The following TAFA4 variants were observed in gnomAD, a reference collection of about 807,000 sequenced individuals.
The protein encoded by TAFA4 is TAFA chemokine like family member 4.
A neutral mutation model predicts 21.1 loss-of-function variants in TAFA4; 20 were observed. The observed-to-expected ratio is 0.95, with a 90% confidence interval of 0.67 to 1.38. TAFA4 has a LOEUF of 1.38. Among genes scored for constraint, TAFA4 ranks in the 40% most tolerant of loss-of-function variants. The probability of loss-of-function intolerance (pLI) is 0.00; values close to 1 mark genes in which losing one functional copy is unlikely to be tolerated. For missense variants in TAFA4, 211 were observed against 180.9 expected (o/e 1.17, Z -0.95); for synonymous variants, 71 against 67.4 (o/e 1.05, Z -0.26).
intron 3 of TAFA4, among the ~76,000 whole-genome samples, chr3:68,765,460 T>C (rs1205472150): frequency 1.3e-5 from 2 of 152,200 alleles, no homozygotes; most frequent in Admixed American, 6.5e-5. Flanking sequence ...GGTGTTAAAC[T>C]CTCTTACAAA....
intron 3 of TAFA4, among the ~76,000 whole-genome samples, chr3:68,802,097 C>T (rs191479563): frequency 1.2e-3 from 178 of 152,220 alleles, no homozygotes; most frequent in African/African-American, 4.0e-3. Flanking sequence ...ATGGAGGTTA[C>T]ATTAAATTTT....
intron 3 of TAFA4, among the ~76,000 whole-genome samples, chr3:68,767,364 A>AAGAGAAAGCCGGAATAGG: frequency 6.6e-6 from 1 of 152,282 alleles, no homozygotes; most frequent in South Asian, 2.1e-4. Context: ...GCCGGAATAG[A>AAGAGAAAGCCGGAATAGG]AAAGAAAGCC....
At chr3:68,922,779 C>T (rs1024322647) in intron 1 of TAFA4, among the ~76,000 whole-genome samples, 2 of 152,120 alleles carry the variant, frequency 1.3e-5, no homozygotes, top group African/African-American at 4.8e-5. Context: ...GAATTTTTTC[C>T]TTTCCTGATT....
At chr3:68,794,422 C>A (rs1391869212) in intron 3 of TAFA4, among the ~76,000 whole-genome samples, 1 of 152,106 alleles carries the variant, frequency 6.6e-6, no homozygotes, top group African/African-American at 2.4e-5. Context: ...AATCTAACAC[C>A]CGGCTTTAAA....
intron 1 of TAFA4, among the ~76,000 whole-genome samples, chr3:68,908,028 G>A (rs2089921083): frequency 6.6e-6 from 1 of 152,156 alleles, no homozygotes; most frequent in Admixed American, 6.5e-5. Context: ...ACTGAAGCTG[G>A]TGATCAAGAG....
In TAFA4 at chr3:68,731,836, A is replaced by G. The variant is rs967332954; in HGVS notation, c.*1306T>C. ...CAAATATTCAAAAATTACGCCAACA[A>G]ATCTTTCCATTCCTTTCCATTCCCT... is the stretch of plus-strand genomic sequence containing the variant. On this transcript the variant is annotated 3_prime_UTR_variant, in exon 6 of 6. Transcript: ENST00000295569. 8 of 152,102 alleles carry G rather than the reference A, an allele frequency of 5.3e-5. No individual in the cohort carries two copies. Among genetic ancestry groups the G allele is most frequent in the African/African-American group, 1.9e-4 (8 of 41,422 alleles). 9.4% of individuals were successfully genotyped at this position (152,102 alleles called of 1,614,324 possible).
intron 4 of TAFA4, among the ~76,000 whole-genome samples, chr3:68,740,056 G>T (rs757318751): frequency 1.3e-5 from 2 of 152,074 alleles, no homozygotes; most frequent in Non-Finnish European, 2.9e-5. Flanking sequence ...CTTTGTGGTG[G>T]GCTTGCCTGG....
rs114675865 is a variant in TAFA4 at position 68,740,641 on chromosome 3, C to G, written c.287-1442G>C. Among the ~76,000 whole-genome samples, 1,034 of 152,218 alleles carry G rather than the reference C, an allele frequency of 6.8e-3. 16 individuals carry two copies. The highest frequency in any genetic ancestry group is 0.024 in the African/African-American group (987 of 41,536). The stretch of plus-strand genomic sequence containing the variant: ...CAAATATTTTCTACCATTCTCTAGG[C>G]TGCTTTTTCATTTGATGTAGTCCCA... On this transcript the variant is annotated intron_variant, in intron 4 of 5. Coordinates refer to ENST00000295569, the MANE Select transcript of TAFA4 (RefSeq NM_182522.5).
chr3:68,752,348 ACT>A (rs1399496467), intron 4 of TAFA4, among the ~76,000 whole-genome samples: 1 of 152,180 alleles, frequency 6.6e-6, no homozygotes, highest in Non-Finnish European at 1.5e-5. Context: ...TTGGCACAGC[ACT>A]CTGCTAGGGG....
intron 1 of TAFA4, among the ~76,000 whole-genome samples, chr3:68,922,419 G>T (rs1394235702): frequency 6.6e-6 from 1 of 152,182 alleles, no homozygotes; most frequent in Admixed American, 6.5e-5. Context: ...GATCGATCAT[G>T]TAAAATCAAT....
intron 4 of TAFA4, among the ~76,000 whole-genome samples, chr3:68,750,634 G>C (rs1400461007): frequency 6.6e-6 from 1 of 152,170 alleles, no homozygotes; most frequent in Non-Finnish European, 1.5e-5. Flanking sequence ...TTTAAAACAA[G>C]ATAGTTTGCG....
At chr3:68,768,718 A>C (rs1002691672) in intron 3 of TAFA4, among the ~76,000 whole-genome samples, 4 of 152,232 alleles carry the variant, frequency 2.6e-5, no homozygotes, top group Non-Finnish European at 4.4e-5. Flanking sequence ...GAATGGGTAA[A>C]TAAAATATCG....
intron 1 of TAFA4, among the ~76,000 whole-genome samples, chr3:68,907,928 C>T (rs530110054): frequency 2.6e-4 from 40 of 152,314 alleles, no homozygotes; most frequent in Middle Eastern, 3.4e-3. Context: ...ACAGGGTGAA[C>T]ACTCAATGCA....
At chr3:68,905,055 T>C (rs1208256578) in intron 1 of TAFA4, among the ~76,000 whole-genome samples, 1 of 151,312 alleles carries the variant, frequency 6.6e-6, no homozygotes, top group African/African-American at 2.4e-5. Context: ...TTAAAATCCA[T>C]CCACTCTCCA....
chr3:68,742,678 C>G (rs537140326), intron 4 of TAFA4, among the ~76,000 whole-genome samples: 1 of 152,128 alleles, frequency 6.6e-6, no homozygotes, highest in Non-Finnish European at 1.5e-5. Flanking sequence ...AAAGAACTTA[C>G]CCATGTAATA....
chr3:68,827,021 G>A (rs568839988), intron 3 of TAFA4, among the ~76,000 whole-genome samples: 4 of 151,708 alleles, frequency 2.6e-5, no homozygotes, highest in South Asian at 2.1e-4. Flanking sequence ...TTCTCCTAAC[G>A]CTATCCCTCC....
At chr3:68,766,712 T>C (rs1201849956) in intron 3 of TAFA4, among the ~76,000 whole-genome samples, 1 of 152,024 alleles carries the variant, frequency 6.6e-6, no homozygotes, top group Non-Finnish European at 1.5e-5. Context: ...AAAGAAAGAA[T>C]ACATATCCAA....
intron 3 of TAFA4, among the ~76,000 whole-genome samples, chr3:68,866,692 C>CA (rs562939905): frequency 0.013 from 677 of 52,302 alleles, 5 homozygotes; most frequent in African/African-American, 0.04. Context: ...TGCAAACTCA[C>CA]AAAAAAAAAA....
intron 1 of TAFA4, among the ~76,000 whole-genome samples, chr3:68,924,191 T>A (rs1406840095): frequency 3.9e-5 from 6 of 152,196 alleles, no homozygotes; most frequent in African/African-American, 1.4e-4. Context: ...TATACCTATG[T>A]TCATAGCAGC....
Sources: gnomAD v4.1 joint callset for allele counts (sites outside exome capture counted in the v4.1 genomes callset) on GRCh38, gnomAD v4.1.1 for gene constraint, MANE v1.5 for transcripts, NCBI Gene and HGNC (gene_info 2026-07-23, HGNC 2026-07-21) for gene names.